The following PKNOX2 variants were observed in gnomAD, a reference collection of about 807,000 sequenced individuals.
PKNOX2 encodes the protein homeobox protein PKNOX2.
Under a neutral mutation model 53.1 loss-of-function variants are expected in PKNOX2, and 14 were observed. The ratio of observed to expected loss-of-function variants is 0.26; its 90% CI spans 0.17 to 0.41. The LOEUF is 0.41. Among genes scored for constraint, PKNOX2 ranks in the 10% least tolerant of loss-of-function variants. PKNOX2 has a pLI of 1.00. For synonymous variants in PKNOX2, 257 were observed against 242.8 expected (o/e 1.06, Z -0.54); for missense variants, 496 against 602.8 (o/e 0.82, Z 1.85).
In PKNOX2 at chr11:125,233,681, CTT is replaced by C. The variant is rs541187032; in HGVS notation, c.-200-1362_-200-1361del. On this transcript the variant is annotated intron_variant, in intron 1 of 12. Coordinates refer to ENST00000298282, the MANE Select transcript of PKNOX2 (RefSeq NM_001382323.2). ...AAGGAGACAGCCCCTGAGGAAATGA[CTT>C]TGCCTCGAGGAAGTCATCATGAACC... Among the ~76,000 whole-genome samples the C allele has an allele frequency of 9.7e-4, 148 of 152,310 alleles. 1 individual carries two copies. The highest frequency in any genetic ancestry group is 7.7e-3 in the South Asian group (37 of 4,814).
At chr11:125,269,447 C>G (rs1171664068) in intron 2 of PKNOX2, among the ~76,000 whole-genome samples, 1 of 152,142 alleles carries the variant, frequency 6.6e-6, no homozygotes, top group Admixed American at 6.5e-5. Flanking sequence ...GAAAAAATAA[C>G]TCTTTAATTT....
At chr11:125,230,924 C>T (rs1555123252) in intron 1 of PKNOX2, among the ~76,000 whole-genome samples, 1 of 152,180 alleles carries the variant, frequency 6.6e-6, no homozygotes, top group Non-Finnish European at 1.5e-5. Flanking sequence ...AACTGTTTGA[C>T]TCCAGCATCT....
chr11:125,357,635 C>T (rs148017575), intron 4 of PKNOX2, among the ~76,000 whole-genome samples: 13 of 152,250 alleles, frequency 8.5e-5, no homozygotes, highest in Middle Eastern at 3.4e-3. Flanking sequence ...GCCTTTCGCA[C>T]GCCGTTGGTC....
intron 2 of PKNOX2, among the ~76,000 whole-genome samples, chr11:125,262,139 C>T (rs140255970): frequency 5.4e-4 from 82 of 152,282 alleles, no homozygotes; most frequent in African/African-American, 1.9e-3. Context: ...GCTCACAAGA[C>T]GCCTTTGGTG....
chr11:125,192,486 G>A (rs1365542550), intron 1 of PKNOX2, among the ~76,000 whole-genome samples: 1 of 152,184 alleles, frequency 6.6e-6, no homozygotes, highest in African/African-American at 2.4e-5. Flanking sequence ...TTAACCTGAC[G>A]CTGGGGGAGC....
intron 1 of PKNOX2, among the ~76,000 whole-genome samples, chr11:125,232,820 A>T (rs1942327782): frequency 6.7e-6 from 1 of 148,260 alleles, no homozygotes; most frequent in East Asian, 2.0e-4. Context: ...AAATCAAATA[A>T]TCCAAGTCTT....
intron 2 of PKNOX2, among the ~76,000 whole-genome samples, chr11:125,328,697 T>C (rs1019393660): frequency 6.6e-6 from 1 of 152,170 alleles, no homozygotes; most frequent in African/African-American, 2.4e-5. Context: ...CACTTACTAC[T>C]GCAGGCACTC....
chr11:125,178,676 AAGAG>A (rs55812201), intron 1 of PKNOX2, among the ~76,000 whole-genome samples: 4,462 of 96,330 alleles, frequency 0.046, 195 homozygotes, highest in Non-Finnish European at 0.059. Flanking sequence ...GAAGGAAAGA[AAGAG>A]AGAGAGAGAG....
intron 2 of PKNOX2, among the ~76,000 whole-genome samples, chr11:125,265,251 T>C (rs7933600): frequency 0.18 from 27,727 of 151,310 alleles, 5,445 homozygotes; most frequent in African/African-American, 0.49. Flanking sequence ...CGCACCATTG[T>C]ACTCCACCCT....
intron 1 of PKNOX2, among the ~76,000 whole-genome samples, chr11:125,179,402 A>G (rs557519607): frequency 6.6e-6 from 1 of 152,344 alleles, no homozygotes; most frequent in East Asian, 1.9e-4. Context: ...AGAGCAGGGC[A>G]GGGCCTCCCT....
chr11:125,201,856 G>A (rs4936993), intron 1 of PKNOX2, among the ~76,000 whole-genome samples: 34,227 of 151,986 alleles, frequency 0.23, 4,195 homozygotes, highest in African/African-American at 0.34. Context: ...AGAGCCCAGT[G>A]AGTTTAGCAT....
chr11:125,291,378 T>C (rs113411764), intron 2 of PKNOX2, among the ~76,000 whole-genome samples: 13 of 152,232 alleles, frequency 8.5e-5, no homozygotes, highest in African/African-American at 2.9e-4. Context: ...CAGTCCAGGC[T>C]GGGCAGGCAG....
chr11:125,348,958 C>T (rs1239134047), intron 3 of PKNOX2, among the ~76,000 whole-genome samples: 2 of 152,148 alleles, frequency 1.3e-5, no homozygotes, highest in Non-Finnish European at 2.9e-5. Context: ...GCTGCAGGCA[C>T]TACAGTGCTA....
At chr11:125,412,552 G>C (rs1465513) in intron 10 of PKNOX2, among the ~76,000 whole-genome samples, 114,531 of 152,100 alleles carry the variant, frequency 0.75, 44,228 homozygotes, top group East Asian at 0.95. Context: ...TGTCAGGAAA[G>C]ACTTCAAAAT....
At position 125,368,004 on chromosome 11, in the gene PKNOX2, G is replaced by A. The variant is rs199690077; in HGVS notation, c.227+19G>A. The A allele has an allele frequency of 8.7e-6, 14 of 1,609,762 alleles. No individual in the cohort carries two copies. The highest frequency in any genetic ancestry group is 1.1e-5 in the South Asian group (1 of 90,328). On this transcript the variant is annotated intron_variant, in intron 5 of 12. Coordinates refer to ENST00000298282, the MANE Select transcript of PKNOX2 (RefSeq NM_001382323.2). ...TATACAGGTAGGAGACACTTCAGCT[G>A]TGTCTACAGCCCTCAACCAGCTTCA...
At chr11:125,371,733 C>G (rs1952561479) in intron 5 of PKNOX2, among the ~76,000 whole-genome samples, 1 of 152,022 alleles carries the variant, frequency 6.6e-6, no homozygotes, top group Non-Finnish European at 1.5e-5. Flanking sequence ...TCTCCGAGAA[C>G]CAGGGACGCG....
At chr11:125,251,347 C>A (rs530750053) in intron 2 of PKNOX2, among the ~76,000 whole-genome samples, 4 of 152,144 alleles carry the variant, frequency 2.6e-5, no homozygotes, top group Non-Finnish European at 4.4e-5. Context: ...GAAACAATTG[C>A]GCTAAATGAG....
rs567886469 is a variant in PKNOX2, at chr11:125,246,322, C to T, written c.-130+11207C>T. On this transcript the variant is annotated intron_variant, in intron 2 of 12. Coordinates refer to ENST00000298282, the MANE Select transcript of PKNOX2 (RefSeq NM_001382323.2). ...ACAGCAAGAGGGACTGGGACACATT[C>T]CTGCAATAACAAACCCACTCCCGTG... Among the ~76,000 whole-genome samples the T allele has an allele frequency of 1.9e-3, 291 of 152,322 alleles. 2 individuals are homozygous for T. Among genetic ancestry groups the T allele is most frequent in the African/African-American group, 6.5e-3 (271 of 41,562 alleles).
rs146828494 is a variant in PKNOX2 at position 125,247,789 on chromosome 11, C to T, written c.-130+12674C>T. On this transcript the variant is annotated intron_variant, in intron 2 of 12. Coordinates refer to ENST00000298282, the MANE Select transcript of PKNOX2 (RefSeq NM_001382323.2). ...TCAGGATATGGGATCTCCAGAGGTG[C>T]GCAGGATAGGCAGAGAAGAATGACC... Among the ~76,000 whole-genome samples the T allele has an allele frequency of 3.4e-3, 512 of 152,246 alleles. 2 individuals are homozygous for T. The highest frequency in any genetic ancestry group is 0.011 in the African/African-American group (470 of 41,540).
Sources: gnomAD v4.1 joint callset for allele counts (sites outside exome capture counted in the v4.1 genomes callset) on GRCh38, gnomAD v4.1.1 for gene constraint, MANE v1.5 for transcripts, NCBI Gene and HGNC (gene_info 2026-07-23, HGNC 2026-07-21) for gene names.